Variants in KCNU1 observed in about 807,000 individuals in gnomAD.
KCNU1 encodes potassium channel subfamily U member 1.
In KCNU1, 93 loss-of-function variants were observed where a neutral mutation model predicts 126.8. That is an observed-to-expected ratio of 0.73 (90% CI 0.62 to 0.87). The LOEUF is 0.87. Ranked by LOEUF, KCNU1 falls within the 40% of genes least tolerant of loss-of-function variation. The pLI is 0.00. For missense variants in KCNU1, 1,330 were observed against 1,367.1 expected (o/e 0.97, Z 0.43); for synonymous variants, 523 against 494.2 (o/e 1.06, Z -0.77).
rs192964666 is a variant in KCNU1 at position 36,840,574 on chromosome 8, C to T, written c.1630C>T (p.Arg544Trp). Residue 544 changes from arginine to tryptophan, a missense_variant and splice_region_variant, in exon 15 of 27, where the codon CGG becomes TGG. Transcript: ENST00000399881. ...TGGAATGAGCTTTCCTGAAGTTGCC[C>T]GGTAAGTGAAGTGAAATACTTCCCT... ...FAGMSFPEVA[R>W]LCFLKMHLLL... 2.9e-5 allele frequency: 45 copies of T among 1,569,840 alleles called. No individual in the cohort carries two copies. The highest frequency in any genetic ancestry group is 4.5e-5 in the East Asian group (2 of 44,522).
chr8:36,833,245 G>A (rs1331772175), intron 10 of KCNU1, among the ~76,000 whole-genome samples: 3 of 151,872 alleles, frequency 2.0e-5, no homozygotes, highest in East Asian at 1.9e-4. Context: ...TCATAACAGT[G>A]GCAGACTCAT....
rs113661707 is a variant in KCNU1, at chr8:36,813,273, T to C, written c.733-934T>C. Among the ~76,000 whole-genome samples the C allele has an allele frequency of 2.1e-3, 312 of 152,134 alleles. 2 individuals carry two copies. Among genetic ancestry groups the C allele is most frequent in the African/African-American group, 7.2e-3 (297 of 41,508 alleles). ...ATCACTTTTAAAAAGGGAACAAATA[T>C]CTGAGCAAACTGCATGGTTTCTAAT... is the stretch of plus-strand genomic sequence containing the variant. On this transcript the variant is annotated intron_variant, in intron 7 of 26. Coordinates refer to ENST00000399881, the MANE Select transcript of KCNU1 (RefSeq NM_001031836.3).
rs35671599 is a variant in KCNU1 at position 36,807,312 on chromosome 8, C to G, written c.581-63C>G. 4 of 1,101,514 alleles carry G rather than the reference C, an allele frequency of 3.6e-6. No individual in the cohort carries two copies. The African/African-American group carries it at 4.7e-5, about 13-fold the overall frequency. 68.2% of individuals were successfully genotyped at this position (1,101,514 alleles called of 1,614,324 possible). ...GTAAGTGATTCCAATGCTGTTATAA[C>G]GTAGGCTCCCTCTGGAGTGACCCTC... On this transcript the variant is annotated intron_variant, in intron 5 of 26. Transcript: ENST00000399881.
chr8:36,866,582 T>G (rs1386755290), intron 19 of KCNU1, among the ~76,000 whole-genome samples: 1 of 152,106 alleles, frequency 6.6e-6, no homozygotes, highest in Non-Finnish European at 1.5e-5. Flanking sequence ...AACAAAACAG[T>G]CACAGATGAG....
At chr8:36,894,310 T>C (rs1452807441) in intron 19 of KCNU1, among the ~76,000 whole-genome samples, 1 of 152,138 alleles carries the variant, frequency 6.6e-6, no homozygotes, top group Non-Finnish European at 1.5e-5. Flanking sequence ...AGAAAAATTA[T>C]AAAATTTTAA....
intron 19 of KCNU1, among the ~76,000 whole-genome samples, chr8:36,892,387 A>G (rs1806998323): frequency 6.6e-6 from 1 of 151,976 alleles, no homozygotes; most frequent in East Asian, 1.9e-4. Context: ...TAGTTCTTTA[A>G]AAATGGTTTC....
Position 36,935,545 on chromosome 8 carries a change from C to A in KCNU1, c.3075C>A (p.Phe1025Leu). 1 of 1,609,960 alleles carries A rather than the reference C, an allele frequency of 6.2e-7. No homozygotes were observed. The change falls in exon 27 of 27, where the codon TTC (phenylalanine) becomes TTA (leucine). Residue 1025 changes from phenylalanine to leucine, a missense_variant. By Grantham distance (22) the Phe-to-Leu change is conservative. Coordinates refer to ENST00000399881, the MANE Select transcript of KCNU1 (RefSeq NM_001031836.3). ...TGATCACCCGGCCAGCCAATGAGTT[C>A]AAGCTGCTGCCTTCAGATCTTGTGT... is the stretch of plus-strand genomic sequence containing the variant. ...RFVITRPANE[F>L]KLLPSDLVFC...
chr8:36,895,808 C>T (rs1482215595), intron 19 of KCNU1, among the ~76,000 whole-genome samples: 1 of 152,072 alleles, frequency 6.6e-6, no homozygotes, highest in South Asian at 2.1e-4. Context: ...TCTACCTAAA[C>T]TTTCATTGCA....
chr8:36,911,144 A>G, intron 22 of KCNU1, 25 bp downstream of exon 22: 4 of 1,551,546 alleles, frequency 2.6e-6, no homozygotes, highest in Non-Finnish European at 3.5e-6. Context: ...CCTGAAAAGA[A>G]GAAACTAGGA....
intron 18 of KCNU1, among the ~76,000 whole-genome samples, chr8:36,853,500 T>G (rs1805425259): frequency 6.6e-6 from 1 of 152,230 alleles, no homozygotes; most frequent in Non-Finnish European, 1.5e-5. Flanking sequence ...TTTTCTTTTT[T>G]GTATGTTTTT....
chr8:36,840,373 T>C (rs1012516588), intron 14 of KCNU1, 90 bp from the exon 15 acceptor site: 9 of 659,578 alleles, frequency 1.4e-5, no homozygotes, highest in Non-Finnish European at 2.2e-5. Context: ...CAATGAAGAC[T>C]TGTTTGTGCT....
intron 2 of KCNU1, among the ~76,000 whole-genome samples, chr8:36,787,741 GTAA>G (rs1368560577): frequency 6.8e-6 from 1 of 146,730 alleles, no homozygotes; most frequent in East Asian, 2.0e-4. Context: ...TACATTATCC[GTAA>G]TAATATGTAA....
At chr8:36,804,002 A>T in intron 2 of KCNU1, 25 bp from the exon 3 acceptor site, 1 of 1,495,338 alleles carries the variant, frequency 6.7e-7, no homozygotes, top group Non-Finnish European at 9.1e-7. Flanking sequence ...GGATTTAGAC[A>T]TTTGTCCCTG....
chr8:36,831,845 C>T (rs1585429212), intron 10 of KCNU1, among the ~76,000 whole-genome samples: 1 of 151,188 alleles, frequency 6.6e-6, no homozygotes, highest in Admixed American at 6.6e-5. Context: ...ATGCCTGTGT[C>T]CTGAATGGTA....
rs199817209 is a variant in KCNU1 at position 36,845,401 on chromosome 8, TCAAA to T, written c.1704-174_1704-171del. On this transcript the variant is annotated intron_variant, in intron 16 of 26. Coordinates refer to ENST00000399881, the MANE Select transcript of KCNU1 (RefSeq NM_001031836.3). Reference sequence around the variant, plus strand: ...CTCCCCTCTGCATAGTCAGCCCCAATCAAACAAAGAATTACAAATGTCAAATTCA... The same window carrying T: ...CTCCCCTCTGCATAGTCAGCCCCAATCAAAGAATTACAAATGTCAAATTCA... Among the ~76,000 whole-genome samples the T allele has an allele frequency of 1.8e-3, 279 of 152,196 alleles. 3 individuals are homozygous for T. Among genetic ancestry groups the T allele is most frequent in the East Asian group, 0.017 (90 of 5,178 alleles).
intron 18 of KCNU1, among the ~76,000 whole-genome samples, chr8:36,857,265 A>G (rs1384244562): frequency 2.6e-5 from 4 of 152,230 alleles, no homozygotes; most frequent in Non-Finnish European, 5.9e-5. Flanking sequence ...ATACCTAAAC[A>G]GAGCCTCACC....
intron 14 of KCNU1, among the ~76,000 whole-genome samples, chr8:36,839,913 T>G (rs542686800): frequency 2.6e-5 from 4 of 152,314 alleles, no homozygotes; most frequent in African/African-American, 9.6e-5. Context: ...CATCTCCCAT[T>G]TCTCTGGAAA....
intron 7 of KCNU1, among the ~76,000 whole-genome samples, chr8:36,809,708 G>A (rs934302002): frequency 6.6e-6 from 1 of 152,104 alleles, no homozygotes; most frequent in Admixed American, 6.5e-5. Context: ...GGCCCACCAG[G>A]GGATAAGCAG....
chr8:36,898,447 A>T (rs772518416), intron 19 of KCNU1, among the ~76,000 whole-genome samples: 4 of 151,992 alleles, frequency 2.6e-5, no homozygotes, highest in Non-Finnish European at 4.4e-5. Context: ...CATTTATGTC[A>T]TGTTGAACCC....
Sources: gnomAD v4.1 joint callset for allele counts (sites outside exome capture counted in the v4.1 genomes callset) on GRCh38, gnomAD v4.1.1 for gene constraint, MANE v1.5 for transcripts, NCBI Gene and HGNC (gene_info 2026-07-23, HGNC 2026-07-21) for gene names.